Variants in SGCD observed in about 807,000 individuals in gnomAD.
The protein encoded by SGCD is delta-sarcoglycan.
SGCD carries 18 observed loss-of-function variants against 36.6 expected under a neutral mutation model. The observed-to-expected ratio is 0.49, with a 90% confidence interval of 0.34 to 0.73. The LOEUF (loss-of-function observed/expected upper bound fraction) is 0.73. Ranked by LOEUF, SGCD falls within the 30% of genes least tolerant of loss-of-function variation. The probability of loss-of-function intolerance (pLI) is 0.01; values close to 1 mark genes in which losing one functional copy is unlikely to be tolerated. For synonymous variants in SGCD, 133 were observed against 130.6 expected (o/e 1.02, Z -0.12); for missense variants, 387 against 346.7 (o/e 1.12, Z -0.92).
At chr5:155,738,586 G>A in the SGCD span, among the ~76,000 whole-genome samples, 1 of 152,162 alleles carries the variant, frequency 6.6e-6, no homozygotes, top group Non-Finnish European at 1.5e-5. Context: ...AAAGTGTAAT[G>A]ATTAAGAAGC....
rs1554117575 is a variant in SGCD at position 156,078,520 on chromosome 5, A to AAAT, written c.-281-39357_-281-39356insATA. Among the ~76,000 whole-genome samples the AAAT allele has an allele frequency of 2.3e-4, 29 of 125,518 alleles. 1 individual carries two copies. In the East Asian group the frequency reaches 9.0e-3, roughly 39 times the overall value. 82.3% of individuals were successfully genotyped at this position (125,518 alleles called of 152,430 possible). A position where few individuals can be genotyped will look rare whatever the true frequency, so the allele number is the denominator to read the frequency against. On this transcript the variant is annotated intron_variant, in intron 1 of 9. Transcript: ENST00000517913. The stretch of plus-strand genomic sequence containing the variant: ...AAAGTAAGACTGTCTCAAAAAAAAA[A>AAAT]ATATATATATATATATATTTATTTA...
intron 3 of SGCD, among the ~76,000 whole-genome samples, chr5:156,210,094 C>T (rs768098191): frequency 6.6e-6 from 1 of 152,090 alleles, no homozygotes; most frequent in African/African-American, 2.4e-5. Flanking sequence ...AGGCATGCAA[C>T]CATGGACTCA....
intron 3 of SGCD, among the ~76,000 whole-genome samples, chr5:156,217,891 A>G (rs1581174611): frequency 6.6e-6 from 1 of 152,292 alleles, no homozygotes; most frequent in East Asian, 1.9e-4. Context: ...TTCTTTCATT[A>G]TAAAAATCAT....
At chr5:156,391,068 C>T (rs77871929) in intron 3 of SGCD, among the ~76,000 whole-genome samples, 12,984 of 152,186 alleles carry the variant, frequency 0.085, 1,775 homozygotes, top group African/African-American at 0.29. Context: ...GGGAGAGAAA[C>T]TTCCAGTCCC....
chr5:156,172,104 G>A (rs1268498862), intron 3 of SGCD, among the ~76,000 whole-genome samples: 2 of 152,062 alleles, frequency 1.3e-5, no homozygotes. Context: ...CCAACGTGGT[G>A]AAATCCTGTC....
At position 156,207,817 on chromosome 5, in the gene SGCD, T is replaced by A. The variant is rs868448777; in HGVS notation, c.-44+83798T>A. Reference sequence around the variant, plus strand: ...CATTTGTAACTGTGCAACAAAAATTTTATATATATGTATATATAATGTAAT... The same window carrying A: ...CATTTGTAACTGTGCAACAAAAATTATATATATATGTATATATAATGTAAT... On this transcript the variant is annotated intron_variant, in intron 3 of 9. Transcript: ENST00000517913. Among the ~76,000 whole-genome samples, 11 of 152,144 alleles carry A rather than the reference T, an allele frequency of 7.2e-5. No individual in the cohort carries two copies. The East Asian group carries it at 1.4e-3, about 19-fold the overall frequency.
intron 3 of SGCD, among the ~76,000 whole-genome samples, chr5:156,382,358 A>G (rs1771031612): frequency 6.6e-6 from 1 of 152,210 alleles, no homozygotes; most frequent in African/African-American, 2.4e-5. Flanking sequence ...GTTACTGTCC[A>G]TAAGGAATAA....
intron 6 of SGCD, among the ~76,000 whole-genome samples, chr5:156,639,307 C>T (rs1762943281): frequency 6.6e-6 from 1 of 152,136 alleles, no homozygotes; most frequent in Non-Finnish European, 1.5e-5. Context: ...GTATCATATT[C>T]CTCTTCACAG....
intron 7 of SGCD, among the ~76,000 whole-genome samples, chr5:156,708,175 A>C (rs1754824547): frequency 6.6e-6 from 1 of 151,868 alleles, no homozygotes. Flanking sequence ...TTGTGTGTTT[A>C]TTGTATTAAT....
intron 1 of SGCD, among the ~76,000 whole-genome samples, chr5:155,976,042 AT>A (rs2127561054): frequency 1.3e-5 from 2 of 152,250 alleles, no homozygotes; most frequent in East Asian, 3.9e-4. Context: ...GTATGATACT[AT>A]TTATAGGAAA....
the SGCD span, among the ~76,000 whole-genome samples, chr5:155,812,895 A>G: frequency 6.6e-6 from 1 of 152,202 alleles, no homozygotes; most frequent in Admixed American, 6.5e-5. Flanking sequence ...GGAACAAATC[A>G]GGCATCACTG....
At chr5:156,406,674 C>T (rs79374679) in intron 3 of SGCD, among the ~76,000 whole-genome samples, 4,367 of 151,352 alleles carry the variant, frequency 0.029, 188 homozygotes, top group African/African-American at 0.099. Context: ...ATGCTCAAAA[C>T]AGCCCGATGA....
chr5:155,891,349 G>T (rs1430137353), intron 1 of SGCD, among the ~76,000 whole-genome samples: 1 of 152,068 alleles, frequency 6.6e-6, no homozygotes, highest in Non-Finnish European at 1.5e-5. Context: ...AAAGCTGAGT[G>T]GTCTTGAGCA....
At chr5:156,018,215 G>A (rs1000561082) in intron 1 of SGCD, among the ~76,000 whole-genome samples, 1 of 152,054 alleles carries the variant, frequency 6.6e-6, no homozygotes, top group Admixed American at 6.6e-5. Context: ...ATAAATAAAT[G>A]TTAAGATCCT....
At chr5:156,550,899 C>A (rs2113198225) in intron 4 of SGCD, among the ~76,000 whole-genome samples, 1 of 152,338 alleles carries the variant, frequency 6.6e-6, no homozygotes, top group African/African-American at 2.4e-5. Flanking sequence ...GGAATTGTCA[C>A]TTTGTTTTTC....
Position 156,586,214 on chromosome 5 carries a change from T to C in SGCD, c.295-3017T>C, listed in dbSNP as rs565494413. 5.1e-4 allele frequency among the ~76,000 whole-genome samples: 77 copies of C among 152,284 alleles called. 1 individual carries two copies. The highest frequency in any genetic ancestry group is 1.8e-3 in the African/African-American group (74 of 41,544). Reference sequence around the variant, plus strand: ...TGATGACCTCGACAGTTTTGAAGGGTACTGATAAGGTATTTTGTAAAATGG... The same window carrying C: ...TGATGACCTCGACAGTTTTGAAGGGCACTGATAAGGTATTTTGTAAAATGG... On this transcript the variant is annotated intron_variant, in intron 4 of 8. Coordinates refer to ENST00000337851, the MANE Select transcript of SGCD (RefSeq NM_000337.6).
chr5:156,449,219 C>G (rs1753883181), intron 3 of SGCD, among the ~76,000 whole-genome samples: 1 of 152,278 alleles, frequency 6.6e-6, no homozygotes, highest in East Asian at 1.9e-4. Flanking sequence ...TTACCATGAA[C>G]AAGCATCTGC....
Position 156,513,508 on chromosome 5 carries a change from G to T in SGCD, c.294+4806G>T, listed in dbSNP as rs935495444. ...ATCATAGCTGCTTCCATTTTATGGGGTATCACCTTCTGCTTTTCCTATTGA... is the reference window on the plus strand; with the variant it reads ...ATCATAGCTGCTTCCATTTTATGGGTTATCACCTTCTGCTTTTCCTATTGA... On this transcript the variant is annotated intron_variant, in intron 4 of 8. Transcript: ENST00000337851. 1.2e-4 allele frequency among the ~76,000 whole-genome samples: 18 copies of T among 152,280 alleles called. 1 individual carries two copies. The highest frequency in any genetic ancestry group is 7.8e-4 in the Admixed American group (12 of 15,288).
chr5:156,087,137 G>A (rs1257724728), intron 1 of SGCD, among the ~76,000 whole-genome samples: 3 of 152,170 alleles, frequency 2.0e-5, no homozygotes, highest in Non-Finnish European at 4.4e-5. Context: ...TATCATCAAG[G>A]TCACAAGTAA....
Sources: gnomAD v4.1 joint callset for allele counts (sites outside exome capture counted in the v4.1 genomes callset) on GRCh38, gnomAD v4.1.1 for gene constraint, MANE v1.5 for transcripts, NCBI Gene and HGNC (gene_info 2026-07-23, HGNC 2026-07-21) for gene names.